Variants in SMAP1 observed in about 807,000 individuals in gnomAD.
SMAP1 encodes small ArfGAP 1, also known as stromal membrane-associated protein 1.
SMAP1 carries 24 observed loss-of-function variants against 58.5 expected under a neutral mutation model. The ratio of observed to expected loss-of-function variants is 0.41; its 90% confidence interval spans 0.30 to 0.58. The LOEUF (loss-of-function observed/expected upper bound fraction) is 0.58, where lower values mean the gene tolerates loss of function less well. Among genes scored for constraint, SMAP1 ranks in the 20% least tolerant of loss-of-function variants. SMAP1 has a pLI of 0.29. For missense variants in SMAP1, 563 were observed against 566.3 expected, an observed-to-expected ratio of 0.99 and a Z score of 0.06; for synonymous variants, 216 against 196.6, an observed-to-expected ratio of 1.10 and a Z score of -0.82.
chr6:70,781,118 C>T (rs1175207158), intron 4 of SMAP1, among the ~76,000 whole-genome samples: 2 of 152,144 alleles, frequency 1.3e-5, no homozygotes, highest in African/African-American at 4.8e-5. Flanking sequence ...TTGCTCCACA[C>T]TTTAATCAGC....
At chr6:70,706,266 G>C (rs374835413) in intron 1 of SMAP1, among the ~76,000 whole-genome samples, 1 of 152,054 alleles carries the variant, frequency 6.6e-6, no homozygotes, top group Admixed American at 6.6e-5. Context: ...TATGATACAA[G>C]AGAAACAACA....
intron 6 of SMAP1, among the ~76,000 whole-genome samples, chr6:70,828,567 T>A (rs1770233993): frequency 6.6e-6 from 1 of 152,154 alleles, no homozygotes; most frequent in Non-Finnish European, 1.5e-5. Context: ...AACATACTTC[T>A]CCAGGAGTAA....
intron 2 of SMAP1, among the ~76,000 whole-genome samples, chr6:70,742,975 G>A (rs1435641037): frequency 3.3e-5 from 5 of 152,120 alleles, no homozygotes; most frequent in Non-Finnish European, 5.9e-5. Flanking sequence ...ATCTCCAACT[G>A]GGTCTCTCCC....
chr6:70,860,774 GTC>G lies in SMAP1; in HGVS notation c.*443_*444del, dbSNP rs1294836362. ...TTAATCATATAAATAGAATGTAAATGTCTCACTGAGCACTGTTTTCTAGTGTA... is the reference window on the plus strand; with the variant it reads ...TTAATCATATAAATAGAATGTAAATGTCACTGAGCACTGTTTTCTAGTGTA... On this transcript the variant is annotated 3_prime_UTR_variant, in exon 11 of 11. Transcript: ENST00000370455. 2.5e-6 allele frequency: 1 copy of G among 399,174 alleles called. No homozygotes were observed. The highest frequency in any genetic ancestry group is 2.1e-5 in the African/African-American group (1 of 48,594). The allele number at this position is 399,174 out of a possible 1,614,324, so 24.7% of individuals were successfully genotyped here.
chr6:70,723,271 C>T (rs1278768628), intron 1 of SMAP1, among the ~76,000 whole-genome samples: 1 of 152,160 alleles, frequency 6.6e-6, no homozygotes, highest in Non-Finnish European at 1.5e-5. Flanking sequence ...GGACTATAGG[C>T]ACATGCCATT....
At chr6:70,860,026 GA>G in intron 10 of SMAP1, 173 bp from the exon 11 acceptor site, 1 of 602,484 alleles carries the variant, frequency 1.7e-6, no homozygotes, top group East Asian at 3.3e-5. Context: ...AGTAGATAAA[GA>G]AGGGAACAAA....
intron 6 of SMAP1, among the ~76,000 whole-genome samples, chr6:70,811,892 G>A (rs925611274): frequency 9.2e-5 from 14 of 152,112 alleles, no homozygotes; most frequent in Admixed American, 9.2e-4. Context: ...ACCTTGGGTC[G>A]TACCAAATCT....
intron 2 of SMAP1, among the ~76,000 whole-genome samples, chr6:70,741,702 G>T (rs574420882): frequency 7.9e-5 from 12 of 152,330 alleles, no homozygotes; most frequent in African/African-American, 2.9e-4. Context: ...GACTCTGTGT[G>T]GGGGCTTGCA....
At chr6:70,744,780 G>C (rs569064094) in intron 2 of SMAP1, among the ~76,000 whole-genome samples, 1 of 152,172 alleles carries the variant, frequency 6.6e-6, no homozygotes, top group African/African-American at 2.4e-5. Context: ...CTAATTTACA[G>C]TCCCACCAAC....
chr6:70,730,422 C>G (rs1247496287), intron 1 of SMAP1, among the ~76,000 whole-genome samples: 1 of 152,204 alleles, frequency 6.6e-6, no homozygotes, highest in Non-Finnish European at 1.5e-5. Context: ...AACCCTCCAG[C>G]TATTGCTCTG....
chr6:70,840,371 C>CT (rs1263179020), intron 7 of SMAP1, among the ~76,000 whole-genome samples: 1 of 152,172 alleles, frequency 6.6e-6, no homozygotes, highest in African/African-American at 2.4e-5. Context: ...CTTTCCTGAT[C>CT]TACTACCCAT....
At chr6:70,772,436 GTTT>G (rs1345839174) in intron 3 of SMAP1, among the ~76,000 whole-genome samples, 1 of 152,084 alleles carries the variant, frequency 6.6e-6, no homozygotes, top group Non-Finnish European at 1.5e-5. Context: ...GTGTAATTGG[GTTT>G]TTTTCTGTAA....
At chr6:70,844,322 CGTGT>C (rs76147825) in intron 7 of SMAP1, among the ~76,000 whole-genome samples, 1 of 151,896 alleles carries the variant, frequency 6.6e-6, no homozygotes, top group African/African-American at 2.4e-5. Context: ...AATCAGAGTG[CGTGT>C]GTGTGTGTAC....
chr6:70,801,127 A>G (rs1387881570), intron 6 of SMAP1, among the ~76,000 whole-genome samples: 1 of 152,106 alleles, frequency 6.6e-6, no homozygotes, highest in Non-Finnish European at 1.5e-5. Flanking sequence ...AATTTATACT[A>G]CCACCAACAG....
intron 1 of SMAP1, among the ~76,000 whole-genome samples, chr6:70,707,751 G>A (rs1582036843): frequency 6.6e-6 from 1 of 152,102 alleles, no homozygotes; most frequent in African/African-American, 2.4e-5. Flanking sequence ...GACTACAGGC[G>A]CATGCCACCA....
chr6:70,774,059 C>G (rs1368435252), intron 4 of SMAP1, among the ~76,000 whole-genome samples: 1 of 152,108 alleles, frequency 6.6e-6, no homozygotes, highest in Non-Finnish European at 1.5e-5. Flanking sequence ...TTAGAATTGC[C>G]TACAGTATTC....
intron 3 of SMAP1, among the ~76,000 whole-genome samples, chr6:70,768,328 C>T (rs1330758591): frequency 2.0e-5 from 3 of 152,278 alleles, no homozygotes; most frequent in African/African-American, 7.2e-5. Context: ...AGGAATGGTG[C>T]CAGTTCCTCC....
intron 1 of SMAP1, among the ~76,000 whole-genome samples, chr6:70,719,264 A>G (rs1768410498): frequency 6.6e-6 from 1 of 152,236 alleles, no homozygotes; most frequent in African/African-American, 2.4e-5. Flanking sequence ...TTTCAAATGA[A>G]GAAACTGATC....
chr6:70,669,248 G>T (rs1470098747), intron 1 of SMAP1, among the ~76,000 whole-genome samples: 2 of 152,120 alleles, frequency 1.3e-5, no homozygotes, highest in African/African-American at 4.8e-5. Context: ...TGTCCTTTAA[G>T]ATTTCTGTGT....
Sources: gnomAD v4.1 joint callset for allele counts (sites outside exome capture counted in the v4.1 genomes callset) on GRCh38, gnomAD v4.1.1 for gene constraint, MANE v1.5 for transcripts, NCBI Gene and HGNC (gene_info 2026-07-23, HGNC 2026-07-21) for gene names.